CDH12: variants seen among roughly 807,000 people sequenced by gnomAD.
CDH12 encodes cadherin 12.
CDH12 carries 41 observed loss-of-function variants against 74.1 expected under a neutral mutation model. That is an observed-to-expected ratio of 0.55 (90% confidence interval 0.43 to 0.72). The LOEUF (loss-of-function observed/expected upper bound fraction) is 0.72. CDH12 is among the 30% of genes least tolerant of loss of function. CDH12 has a pLI of 0.00. For missense variants in CDH12, 945 were observed against 977.2 expected, an observed-to-expected ratio of 0.97 and a Z score of 0.44; for synonymous variants, 399 against 355.0, an observed-to-expected ratio of 1.12 and a Z score of -1.39.
intron 1 of CDH12, among the ~76,000 whole-genome samples, chr5:22,564,844 G>C (rs886111857): frequency 6.6e-6 from 1 of 152,158 alleles, no homozygotes; most frequent in Non-Finnish European, 1.5e-5. Flanking sequence ...CTTGGTTATA[G>C]TGAATAGTGC....
chr5:21,796,817 T>G (rs1283087747), intron 10 of CDH12, among the ~76,000 whole-genome samples: 1 of 152,130 alleles, frequency 6.6e-6, no homozygotes, highest in African/African-American at 2.4e-5. Flanking sequence ...TATCTTTCAG[T>G]GTAACTGGAT....
At chr5:22,493,127 G>A (rs76869789) in intron 2 of CDH12, among the ~76,000 whole-genome samples, 175 of 152,122 alleles carry the variant, frequency 1.2e-3, no homozygotes, top group African/African-American at 4.0e-3. Context: ...TGATCTCATC[G>A]TGGATTCCTC....
intron 3 of CDH12, among the ~76,000 whole-genome samples, chr5:22,251,523 G>A (rs1240794535): frequency 2.0e-5 from 3 of 152,140 alleles, no homozygotes; most frequent in African/African-American, 4.8e-5. Context: ...GTATGAAAAT[G>A]GATTCATTAC....
intron 1 of CDH12, among the ~76,000 whole-genome samples, chr5:22,842,130 T>C (rs1314252286): frequency 2.0e-5 from 3 of 152,176 alleles, no homozygotes; most frequent in Non-Finnish European, 4.4e-5. Context: ...TCCATGGAAC[T>C]AGTACTGCCA....
chr5:21,975,899 A>G (rs2150123328), intron 5 of CDH12, among the ~76,000 whole-genome samples: 1 of 152,228 alleles, frequency 6.6e-6, no homozygotes, highest in African/African-American at 2.4e-5. Context: ...TAAACATTGC[A>G]ATAAAAATAA....
chr5:22,012,508 T>C (rs1737362207), intron 5 of CDH12, among the ~76,000 whole-genome samples: 1 of 152,136 alleles, frequency 6.6e-6, no homozygotes, highest in South Asian at 2.1e-4. Context: ...GTCTTTCAGT[T>C]GACAGTGAGT....
chr5:21,946,266 C>A (rs1010593615), intron 6 of CDH12, among the ~76,000 whole-genome samples: 5 of 152,032 alleles, frequency 3.3e-5, no homozygotes, highest in African/African-American at 9.7e-5. Context: ...AGAATAAGTT[C>A]TCTAAACAGA....
intron 6 of CDH12, among the ~76,000 whole-genome samples, chr5:21,928,168 T>C (rs1156352451): frequency 6.6e-6 from 1 of 152,188 alleles, no homozygotes; most frequent in Non-Finnish European, 1.5e-5. Context: ...CTGCCATCTT[T>C]ATAGATATTG....
intron 4 of CDH12, among the ~76,000 whole-genome samples, chr5:22,109,213 A>G (rs1301427106): frequency 2.0e-5 from 3 of 152,182 alleles, no homozygotes; most frequent in Non-Finnish European, 4.4e-5. Context: ...TTAGTTCTGA[A>G]CCATGTTTTC....
intron 3 of CDH12, among the ~76,000 whole-genome samples, chr5:22,354,918 A>G (rs538752361): frequency 5.5e-4 from 83 of 152,218 alleles, no homozygotes; most frequent in African/African-American, 1.9e-3. Flanking sequence ...TCACATCACC[A>G]TTTCATAATG....
intron 3 of CDH12, among the ~76,000 whole-genome samples, chr5:22,376,655 T>G (rs1741536855): frequency 6.6e-6 from 1 of 150,650 alleles, no homozygotes. Flanking sequence ...TAGCTGGGAC[T>G]ACAGGCATGT....
intron 1 of CDH12, among the ~76,000 whole-genome samples, chr5:22,774,546 G>A (rs1372615814): frequency 6.6e-6 from 1 of 152,034 alleles, no homozygotes; most frequent in African/African-American, 2.4e-5. Flanking sequence ...TTCCCATGCT[G>A]TTCTTGTGAT....
intron 3 of CDH12, among the ~76,000 whole-genome samples, chr5:22,387,276 A>C (rs1742039279): frequency 6.6e-6 from 1 of 151,888 alleles, no homozygotes; most frequent in East Asian, 1.9e-4. Context: ...TTTTTAAAAA[A>C]AATTTTTAAA....
At chr5:22,582,507 C>A (rs1740157098) in intron 1 of CDH12, among the ~76,000 whole-genome samples, 1 of 152,140 alleles carries the variant, frequency 6.6e-6, no homozygotes, top group South Asian at 2.1e-4. Flanking sequence ...AGCATGGGAT[C>A]TATTAATTCA....
chr5:22,820,358 G>A (rs1749629623), intron 1 of CDH12, among the ~76,000 whole-genome samples: 1 of 151,974 alleles, frequency 6.6e-6, no homozygotes, highest in Non-Finnish European at 1.5e-5. Context: ...ACCAGTGGGA[G>A]GTGATCAAAT....
At chr5:22,352,090 G>A (rs948146425) in intron 3 of CDH12, among the ~76,000 whole-genome samples, 1 of 149,714 alleles carries the variant, frequency 6.7e-6, no homozygotes, top group Non-Finnish European at 1.5e-5. Flanking sequence ...AATATTTAAA[G>A]CTCTATTAAG....
At chr5:22,111,520 A>T (rs1259376144) in intron 4 of CDH12, among the ~76,000 whole-genome samples, 3 of 152,020 alleles carry the variant, frequency 2.0e-5, no homozygotes, top group Non-Finnish European at 4.4e-5. Context: ...TTACAAGTGA[A>T]TTTTTTCATT....
rs372810394 is a variant in CDH12 at position 21,751,918 on chromosome 5, G to A, written c.2204C>T (p.Ser735Leu). 1.5e-5 allele frequency: 25 copies of A among 1,613,934 alleles called. No individual in the cohort carries two copies. The highest frequency in any genetic ancestry group is 1.9e-5 in the Non-Finnish European group (22 of 1,180,006). Reference sequence around the variant, plus strand: ...CCCTTCGTAGGCATATGTGGCCAGTGAATCGTATGGTGGGGCAGTTGGATC... The same window carrying A: ...CCCTTCGTAGGCATATGTGGCCAGTAAATCGTATGGTGGGGCAGTTGGATC... ...DVDPTAPPYD[S>L]LATYAYEGSG... Residue 735 changes from serine (S) to leucine (L), a missense_variant, in exon 15 of 15, where the codon TCA (serine) becomes TTA (leucine). Transcript: ENST00000382254.
intron 1 of CDH12, among the ~76,000 whole-genome samples, chr5:22,845,632 G>T (rs1737266385): frequency 6.6e-6 from 1 of 152,088 alleles, no homozygotes; most frequent in Admixed American, 6.6e-5. Flanking sequence ...AGAAGAAAGT[G>T]CTACTTTCAG....
Sources: allele counts gnomAD v4.1 joint callset (sites outside exome capture counted in the v4.1 genomes callset), GRCh38; gene constraint gnomAD v4.1.1; transcripts MANE v1.5; gene names NCBI Gene and HGNC (gene_info 2026-07-23, HGNC 2026-07-21).